Variants in GRID1 observed in about 807,000 individuals in gnomAD.
GRID1 encodes glutamate ionotropic receptor delta type subunit 1.
GRID1 carries 28 observed loss-of-function variants against 98.0 expected under a neutral mutation model. The observed-to-expected ratio is 0.29, with a 90% CI of 0.21 to 0.39. The LOEUF (loss-of-function observed/expected upper bound fraction) is 0.39. GRID1 is among the 10% of genes least tolerant of loss of function. The pLI is 1.00. For missense variants in GRID1, 1,111 were observed against 1,340.5 expected (o/e 0.83, Z 2.67); for synonymous variants, 553 against 538.5 (o/e 1.03, Z -0.37).
chr10:86,336,906 G>A lies in GRID1; in HGVS notation c.235+27035C>T, dbSNP rs1331325629. On this transcript the variant is annotated intron_variant, in intron 2 of 15. Transcript: ENST00000327946. ...GTCGCCCAGGCTGGAGTGCAGTGGCGCGATCTCGGCTCACTGCAAGCTCTG... is the reference window on the plus strand; with the variant it reads ...GTCGCCCAGGCTGGAGTGCAGTGGCACGATCTCGGCTCACTGCAAGCTCTG... Among the ~76,000 whole-genome samples the A allele has an allele frequency of 2.7e-5, 4 of 150,730 alleles. 1 individual carries two copies. In the South Asian group the frequency reaches 6.3e-4, roughly 24 times the overall value.
chr10:85,800,106 C>A (rs1842562217), intron 8 of GRID1, among the ~76,000 whole-genome samples: 1 of 151,630 alleles, frequency 6.6e-6, no homozygotes, highest in African/African-American at 2.4e-5. Flanking sequence ...TCATGCATGT[C>A]TAAACAAGTA....
chr10:86,293,774 T>C (rs1186178562), intron 2 of GRID1, among the ~76,000 whole-genome samples: 1 of 152,106 alleles, frequency 6.6e-6, no homozygotes, highest in Non-Finnish European at 1.5e-5. Context: ...CATTCATTCA[T>C]TCATTCATTC....
At position 86,093,951 on chromosome 10, in the gene GRID1, A is replaced by T. The variant is rs143824024; in HGVS notation, c.726+44868T>A. 6.9e-3 allele frequency among the ~76,000 whole-genome samples: 1,054 copies of T among 152,328 alleles called. 14 individuals are homozygous for T. The highest frequency in any genetic ancestry group is 0.024 in the African/African-American group (1,002 of 41,568). On this transcript the variant is annotated intron_variant, in intron 4 of 15. Transcript: ENST00000327946. ...ACATAGATGCTAAAATCTTAACAAA[A>T]TACTAGCTAACCAAATCCTACAACA...
chr10:86,249,559 T>G (rs1846787352), intron 2 of GRID1, among the ~76,000 whole-genome samples: 1 of 152,044 alleles, frequency 6.6e-6, no homozygotes, highest in East Asian at 1.9e-4. Flanking sequence ...CCTACCACAC[T>G]CCACCTCCAT....
chr10:86,105,607 C>T (rs1248871307), intron 4 of GRID1, among the ~76,000 whole-genome samples: 1 of 152,134 alleles, frequency 6.6e-6, no homozygotes, highest in Non-Finnish European at 1.5e-5. Context: ...CAGCAGTGTC[C>T]GGGGCACACG....
intron 14 of GRID1, among the ~76,000 whole-genome samples, chr10:85,616,460 G>T (rs1382767750): frequency 6.6e-6 from 1 of 152,168 alleles, no homozygotes; most frequent in Non-Finnish European, 1.5e-5. Context: ...TGGTTGTGGG[G>T]TCAGATCCCC....
chr10:86,235,425 T>C (rs896444322), intron 2 of GRID1, among the ~76,000 whole-genome samples: 3 of 152,348 alleles, frequency 2.0e-5, no homozygotes, highest in South Asian at 4.1e-4. Context: ...TACTATGAAA[T>C]TCACCCATTG....
chr10:86,291,118 T>C (rs547151367), intron 2 of GRID1, among the ~76,000 whole-genome samples: 3 of 152,194 alleles, frequency 2.0e-5, no homozygotes, highest in South Asian at 2.1e-4. Flanking sequence ...CCCCAGAGAG[T>C]GTGGCCACCA....
intron 6 of GRID1, among the ~76,000 whole-genome samples, chr10:85,863,319 T>C (rs1046201206): frequency 2.0e-5 from 3 of 152,180 alleles, no homozygotes; most frequent in African/African-American, 7.2e-5. Flanking sequence ...CAGCTCCTTA[T>C]ATGGGCACGA....
chr10:85,725,562 T>C (rs1225170614), intron 10 of GRID1, among the ~76,000 whole-genome samples: 1 of 152,094 alleles, frequency 6.6e-6, no homozygotes, highest in African/African-American at 2.4e-5. Context: ...CAGGTGACAA[T>C]GGGGCTTAGG....
intron 12 of GRID1, among the ~76,000 whole-genome samples, chr10:85,712,884 A>G (rs1841597313): frequency 6.6e-6 from 1 of 151,804 alleles, no homozygotes; most frequent in African/African-American, 2.4e-5. Context: ...AAAAATGGAA[A>G]CACAAACATA....
intron 2 of GRID1, among the ~76,000 whole-genome samples, chr10:86,353,753 GT>G (rs1349401655): frequency 2.0e-5 from 3 of 152,206 alleles, no homozygotes; most frequent in Non-Finnish European, 4.4e-5. Context: ...CCACGGGGTT[GT>G]TTTAGTTACG....
intron 8 of GRID1, among the ~76,000 whole-genome samples, chr10:85,830,104 A>G (rs1392360786): frequency 1.3e-5 from 2 of 152,202 alleles, no homozygotes; most frequent in Non-Finnish European, 2.9e-5. Context: ...CTCAAACAAA[A>G]AGAGACACAT....
intron 3 of GRID1, among the ~76,000 whole-genome samples, chr10:86,172,910 AC>A (rs1378791662): frequency 6.6e-6 from 1 of 152,204 alleles, no homozygotes; most frequent in East Asian, 1.9e-4. Flanking sequence ...TGTATGTCTT[AC>A]CCAACTTCAG....
chr10:86,114,616 C>T (rs1469328028), intron 4 of GRID1, among the ~76,000 whole-genome samples: 1 of 152,208 alleles, frequency 6.6e-6, no homozygotes, highest in East Asian at 1.9e-4. Context: ...GACTGCAGAC[C>T]TGCCAGTTGG....
In GRID1 at chr10:85,647,285, T is replaced by A; in HGVS notation, c.2110A>T (p.Thr704Ser). The A allele has an allele frequency of 6.2e-7, 1 of 1,614,198 alleles. No individual in the cohort carries two copies. Among genetic ancestry groups the A allele is most frequent in the Non-Finnish European group, 8.5e-7 (1 of 1,180,010 alleles). ...KGTNPLEQDS[T>S]FAELWRTISK... is the part of the protein sequence containing the mutation. ...ATGGTCCGCCAGAGTTCAGCAAACG[T>A]GCTGTCCTGCTCCAGGGGGTTGGTG... is the stretch of plus-strand genomic sequence containing the variant. Residue 704 changes from threonine (T) to serine (S), a missense_variant, in exon 13 of 16, where the codon ACG becomes TCG. Physicochemically the swap from Thr to Ser is moderately conservative, Grantham distance 58. Around this residue, in one of 3 missense-constraint regions of GRID1, gnomAD observed 762 missense variants for 869.1 expected, o/e 0.88. Transcript: ENST00000327946.
intron 5 of GRID1, among the ~76,000 whole-genome samples, chr10:85,912,008 T>C (rs911322650): frequency 2.6e-5 from 4 of 152,224 alleles, no homozygotes; most frequent in African/African-American, 9.6e-5. Context: ...GCCTTTGTCT[T>C]TTCTCTGAGG....
intron 8 of GRID1, among the ~76,000 whole-genome samples, chr10:85,825,870 T>C (rs1842814839): frequency 6.6e-6 from 1 of 151,986 alleles, no homozygotes. Flanking sequence ...TATTTTCAAA[T>C]ATATATAAAT....
intron 12 of GRID1, among the ~76,000 whole-genome samples, chr10:85,712,363 A>G (rs1180478223): frequency 2.0e-5 from 3 of 151,812 alleles, no homozygotes; most frequent in African/African-American, 7.2e-5. Flanking sequence ...CTTATATCCA[A>G]CAAAATAGAC....
Sources: allele counts gnomAD v4.1 joint callset (sites outside exome capture counted in the v4.1 genomes callset), GRCh38; gene constraint gnomAD v4.1.1; regional missense constraint gnomAD v4.1.1; transcripts MANE v1.5; gene names NCBI Gene and HGNC (gene_info 2026-07-23, HGNC 2026-07-21).